Variants in MASP2 observed in about 807,000 individuals in gnomAD.
MASP2 encodes the protein MBL associated serine protease 2.
Under a neutral mutation model 57.1 loss-of-function variants are expected in MASP2, and 49 were observed. The observed-to-expected ratio is 0.86, with a 90% confidence interval of 0.68 to 1.09. The LOEUF (loss-of-function observed/expected upper bound fraction) is 1.09, where lower values mean the gene tolerates loss of function less well. Ranked by LOEUF, MASP2 falls within the 50% of genes least tolerant of loss-of-function variation. MASP2 has a pLI of 0.00. For missense variants in MASP2, 900 were observed against 874.8 expected, an observed-to-expected ratio of 1.03 and a Z score of -0.36; for synonymous variants, 379 against 340.8, an observed-to-expected ratio of 1.11 and a Z score of -1.24.
At chr1:11,030,310 C>T in intron 9 of MASP2, 60 bp from the exon 10 acceptor site, 2 of 1,163,604 alleles carry the variant, frequency 1.7e-6, no homozygotes, top group Admixed American at 1.8e-5. Context: ...TTGTCATTTG[C>T]TTGAATACCC....
chr1:11,036,633 T>C (rs1268946246), intron 7 of MASP2, among the ~76,000 whole-genome samples: 4 of 145,022 alleles, frequency 2.8e-5, no homozygotes, highest in African/African-American at 1.0e-4. Context: ...GTCTCTCTTT[T>C]TTTTTTTTTT....
In MASP2 at chr1:11,026,672, C is replaced by T. The variant is rs953451228; in HGVS notation, c.*213G>A. ...TGGGTGGGCAAAGATGACTGTCACTCTCGTGGTTTATGTCCCCTTGAGTCA... is the reference window on the plus strand; with the variant it reads ...TGGGTGGGCAAAGATGACTGTCACTTTCGTGGTTTATGTCCCCTTGAGTCA... On this transcript the variant is annotated 3_prime_UTR_variant, in exon 11 of 11. Transcript: ENST00000400897. The T allele has an allele frequency of 5.2e-6, 2 of 388,266 alleles. No homozygotes were observed. The highest frequency in any genetic ancestry group is 2.1e-5 in the African/African-American group (1 of 48,228). The allele number at this position is 388,266 out of a possible 1,614,324, so 24.1% of individuals were successfully genotyped here. A position where few individuals can be genotyped will look rare whatever the true frequency, so the allele number is the denominator to read the frequency against.
intron 8 of MASP2, 108 bp downstream of exon 8, chr1:11,034,720 A>C: frequency 1.3e-6 from 1 of 741,938 alleles, no homozygotes; most frequent in Non-Finnish European, 2.1e-6. Context: ...AAAAAGGGAA[A>C]GAAAAAAGAA....
chr1:11,040,169 A>C (rs185304402), intron 6 of MASP2, among the ~76,000 whole-genome samples: 40 of 151,764 alleles, frequency 2.6e-4, no homozygotes, highest in African/African-American at 9.0e-4. Flanking sequence ...GGGTAGATGT[A>C]CAGAAGGATG....
intron 10 of MASP2, among the ~76,000 whole-genome samples, chr1:11,029,314 T>A (rs943237913): frequency 4.6e-5 from 7 of 150,610 alleles, no homozygotes; most frequent in Admixed American, 3.3e-4. Context: ...TTTGTTTTTT[T>A]AAATCATTCT....
rs771740980 is a variant in MASP2, at chr1:11,030,882, A to G, written c.1088T>C (p.Ile363Thr). 74 of 1,611,854 alleles carry G rather than the reference A, an allele frequency of 4.6e-5. No homozygotes were observed. Among genetic ancestry groups the G allele is most frequent in the Non-Finnish European group, 6.3e-5 (74 of 1,179,362 alleles). The stretch of plus-strand genomic sequence containing the variant: ...ATCATCAGGAGGGCCACAGTCAACA[A>G]CTAAGAAAGAAGCATGGGAGGGAGG... ...SWDRPMPACSIVDCGPPDDLP... is the reference protein window; with the variant it reads ...SWDRPMPACSTVDCGPPDDLP... Residue 363 changes from isoleucine to threonine, a missense_variant and splice_region_variant, in exon 9 of 11, where the codon ATT becomes ACT. Transcript: ENST00000400897.
At chr1:11,043,053 C>A in intron 5 of MASP2, 31 bp from the exon 6 acceptor site, 2 of 1,610,438 alleles carry the variant, frequency 1.2e-6, no homozygotes, top group Non-Finnish European at 8.5e-7. Context: ...AGCTGGGGAG[C>A]AGCTGCCTGG....
chr1:11,043,466 TAC>T lies in MASP2; in HGVS notation c.612_613del (p.Tyr205SerfsTer33). On this transcript the variant is annotated frameshift_variant, in exon 5 of 11. Transcript: ENST00000400897. LOFTEE classifies it high-confidence loss of function. ...GTAAGTGCAACTGGAGAGTTTGGGATACGGCCGTGGGTATTCAGGGCTGCTGA... is the reference window on the plus strand; with the variant it reads ...GTAAGTGCAACTGGAGAGTTTGGGATGGCCGTGGGTATTCAGGGCTGCTGA... 2.5e-6 allele frequency: 4 copies of T among 1,610,554 alleles called. No individual in the cohort carries two copies. The highest frequency in any genetic ancestry group is 3.4e-6 in the Non-Finnish European group (4 of 1,178,882).
At chr1:11,029,138 G>A (rs527412247) in intron 10 of MASP2, among the ~76,000 whole-genome samples, 10 of 147,072 alleles carry the variant, frequency 6.8e-5, no homozygotes, top group East Asian at 4.1e-4. Context: ...GACTACAGGC[G>A]CCTGCCACCA....
intron 6 of MASP2, among the ~76,000 whole-genome samples, chr1:11,042,127 A>AATGG (rs141747351): frequency 8.8e-3 from 872 of 98,920 alleles, no homozygotes; most frequent in Middle Eastern, 0.019. Flanking sequence ...AGCTGGAAGG[A>AATGG]ATGGATGGAT....
chr1:11,037,238 G>A (rs1326794092), intron 7 of MASP2, among the ~76,000 whole-genome samples: 3 of 149,484 alleles, frequency 2.0e-5, no homozygotes, highest in Admixed American at 2.0e-4. Context: ...GTGGAGACGG[G>A]GCTACTACCT....
At chr1:11,028,159 T>G (rs112338214) in intron 10 of MASP2, among the ~76,000 whole-genome samples, 5,759 of 151,732 alleles carry the variant, frequency 0.038, 385 homozygotes, top group African/African-American at 0.13. Flanking sequence ...GAGGCGGAGG[T>G]TGCAGTAAGA....
intron 7 of MASP2, among the ~76,000 whole-genome samples, chr1:11,036,483 C>A (rs1398270312): frequency 1.1e-4 from 13 of 119,698 alleles, no homozygotes; most frequent in Non-Finnish European, 2.1e-4. Flanking sequence ...CGCAGTCCGG[C>A]CTGGGCGACA....
At chr1:11,034,714 A>AAAT in intron 8 of MASP2, 114 bp downstream of exon 8, 2 of 700,400 alleles carry the variant, frequency 2.9e-6, no homozygotes, top group Non-Finnish European at 4.6e-6. Context: ...AAAAAAAAAA[A>AAAT]GGGAAAGAAA....
intron 9 of MASP2, chr1:11,030,544 AG>A (rs1643826879): frequency 1.7e-6 from 1 of 589,170 alleles, no homozygotes; most frequent in African/African-American, 1.9e-5. Context: ...TGTTTGTAGT[AG>A]TCATTTACTA....
At chr1:11,034,756 T>C in intron 8 of MASP2, 72 bp downstream of exon 8, 2 of 899,716 alleles carry the variant, frequency 2.2e-6, no homozygotes, top group South Asian at 1.9e-5. Context: ...AGAGAAGCAA[T>C]AGAAGCAGCA....
Position 11,045,012 on chromosome 1 carries a change from G to A in MASP2, c.544+396C>T. 10 of 1,548,696 alleles carry A rather than the reference G, an allele frequency of 6.5e-6. No homozygotes were observed. The South Asian group carries it at 1.1e-4, about 18-fold the overall frequency. On this transcript the variant is annotated intron_variant, in intron 4 of 10. Transcript: ENST00000400897. Reference sequence around the variant, plus strand: ...CCGAGAGGGAGAAACCGAGTCGGGGGAGGCAGGGTCAGCGCCAGCAGGTGG... The same window carrying A: ...CCGAGAGGGAGAAACCGAGTCGGGGAAGGCAGGGTCAGCGCCAGCAGGTGG...
In MASP2 at chr1:11,041,734, G is replaced by T. The variant is rs1277657356; in HGVS notation, c.889+1141C>A. On this transcript the variant is annotated intron_variant, in intron 6 of 10. Coordinates refer to ENST00000400897, the MANE Select transcript of MASP2 (RefSeq NM_006610.4). ...GGGTGAATGGATGGATGGATGGATG[G>T]GTGAAGAATGGGTGGGTGGGTGGAT... Among the ~76,000 whole-genome samples the T allele has an allele frequency of 1.4e-5, 2 of 146,078 alleles. 1 individual carries two copies. The highest frequency in any genetic ancestry group is 3.0e-5 in the Non-Finnish European group (2 of 66,288).
At chr1:11,032,321 T>G (rs1352965396) in intron 8 of MASP2, among the ~76,000 whole-genome samples, 3 of 152,020 alleles carry the variant, frequency 2.0e-5, no homozygotes, top group Non-Finnish European at 4.4e-5. Context: ...ACCAAAACGG[T>G]AACGATTAGG....
Sources: gnomAD v4.1 joint callset for allele counts (sites outside exome capture counted in the v4.1 genomes callset) on GRCh38, gnomAD v4.1.1 for gene constraint, MANE v1.5 for transcripts, NCBI Gene and HGNC (gene_info 2026-07-23, HGNC 2026-07-21) for gene names.